Variants in ATP8B1 observed in about 807,000 individuals in gnomAD.
ATP8B1 encodes ATPase phospholipid transporting 8B1.
ATP8B1 carries 80 observed loss-of-function variants against 149.9 expected under a neutral mutation model. The observed-to-expected ratio is 0.53, with a 90% CI of 0.45 to 0.64. The LOEUF (loss-of-function observed/expected upper bound fraction) is 0.64, where lower values mean the gene tolerates loss of function less well. ATP8B1 is among the 30% of genes least tolerant of loss of function. The probability of loss-of-function intolerance (pLI) is 0.00; values close to 1 mark genes in which losing one functional copy is unlikely to be tolerated. For synonymous variants in ATP8B1, 536 were observed against 562.8 expected (o/e 0.95, Z 0.67); for missense variants, 1,247 against 1,552.6 (o/e 0.80, Z 3.31).
chr18:57,680,887 G>C (rs1296947753), intron 15 of ATP8B1, among the ~76,000 whole-genome samples: 1 of 152,108 alleles, frequency 6.6e-6, no homozygotes, highest in East Asian at 1.9e-4. Flanking sequence ...TGAAGTGAAG[G>C]CTTCCAAGCC....
intron 4 of ATP8B1, among the ~76,000 whole-genome samples, chr18:57,702,994 C>T (rs186760685): frequency 1.3e-5 from 2 of 152,194 alleles, no homozygotes. Flanking sequence ...TGGTCTACTT[C>T]CTACAGAGCA....
Position 57,647,908 on chromosome 18 carries a change from GTC to G in ATP8B1, c.*578_*579del. 1.2e-5 allele frequency: 2 copies of G among 168,068 alleles called. No homozygotes were observed. Among genetic ancestry groups the G allele is most frequent in the South Asian group, 1.5e-4 (1 of 6,804 alleles). 10.4% of individuals were successfully genotyped at this position (168,068 alleles called of 1,614,324 possible). On this transcript the variant is annotated 3_prime_UTR_variant, in exon 28 of 28. Coordinates refer to ENST00000648908, the MANE Select transcript of ATP8B1 (RefSeq NM_001374385.1). ...GGGTTTCACCATGTTGGCCGGGCTG[GTC>G]TCCTGACCTCAAGTGATCCACCTGC...
At chr18:57,773,582 A>G (rs116995404) in intron 1 of ATP8B1, among the ~76,000 whole-genome samples, 1 of 152,290 alleles carries the variant, frequency 6.6e-6, no homozygotes, top group Non-Finnish European at 1.5e-5. Context: ...GGTTCCCCCA[A>G]ATGTTTCCAT....
rs140839938 is a variant in ATP8B1, at chr18:57,768,717, G to A, written c.-26+34281C>T. ...GTTCTAAAAATAAAATGCAAGAGACGGTTGCATGCCAAGTTGGTAACAAAT... is the reference window on the plus strand; with the variant it reads ...GTTCTAAAAATAAAATGCAAGAGACAGTTGCATGCCAAGTTGGTAACAAAT... On this transcript the variant is annotated intron_variant, in intron 1 of 27. Coordinates refer to ENST00000648908, the MANE Select transcript of ATP8B1 (RefSeq NM_001374385.1). 4.5e-3 allele frequency among the ~76,000 whole-genome samples: 687 copies of A among 152,154 alleles called. 5 individuals are homozygous for A. Among genetic ancestry groups the A allele is most frequent in the African/African-American group, 0.016 (662 of 41,510 alleles).
intron 2 of ATP8B1, among the ~76,000 whole-genome samples, chr18:57,726,252 A>C (rs28503741): frequency 0.087 from 12,565 of 145,024 alleles, 867 homozygotes; most frequent in African/African-American, 0.19. Context: ...ACAACAACAA[A>C]AAAACCACTT....
intron 1 of ATP8B1, among the ~76,000 whole-genome samples, chr18:57,748,499 G>A (rs1444615915): frequency 6.6e-6 from 1 of 152,308 alleles, no homozygotes; most frequent in East Asian, 1.9e-4. Flanking sequence ...TGTTCTTTAA[G>A]CTGCTCTGTG....
intron 2 of ATP8B1, among the ~76,000 whole-genome samples, chr18:57,725,464 T>A (rs913866410): frequency 6.6e-6 from 1 of 152,104 alleles, no homozygotes; most frequent in Admixed American, 6.6e-5. Flanking sequence ...CCCAAAGCAA[T>A]CTACAGATTC....
At chr18:57,776,346 G>C (rs1014443364) in intron 1 of ATP8B1, among the ~76,000 whole-genome samples, 1 of 152,252 alleles carries the variant, frequency 6.6e-6, no homozygotes, top group East Asian at 1.9e-4. Flanking sequence ...TCGCATTCAT[G>C]TGAGTTCACG....
chr18:57,798,679 T>A (rs530510866), intron 1 of ATP8B1, among the ~76,000 whole-genome samples: 8 of 152,128 alleles, frequency 5.3e-5, no homozygotes, highest in Admixed American at 3.9e-4. Flanking sequence ...ATGTGATGGG[T>A]AAAGGGGGCT....
rs565802429 is a variant in ATP8B1 at position 57,697,895 on chromosome 18, T to C, written c.555-28A>G. ...AAGGATTAAAAATAATGAGGATTTA[T>C]TGACATTTTAAGTTACAGGCAAGGG... On this transcript the variant is annotated intron_variant, in intron 6 of 27. Transcript: ENST00000648908. The C allele has an allele frequency of 7.9e-5, 124 of 1,572,000 alleles. 4 individuals carry two copies. The South Asian group carries it at 1.3e-3, about 17-fold the overall frequency.
chr18:57,709,655 CTT>C (rs1318631747), intron 2 of ATP8B1, among the ~76,000 whole-genome samples: 1 of 151,656 alleles, frequency 6.6e-6, no homozygotes, highest in Admixed American at 6.6e-5. Flanking sequence ...GCCCCATTTT[CTT>C]TTTTTGTCCT....
intron 23 of ATP8B1, 106 bp from the exon 24 acceptor site, chr18:57,654,181 G>T: frequency 9.4e-7 from 1 of 1,063,082 alleles, no homozygotes; most frequent in Non-Finnish European, 1.4e-6. Flanking sequence ...TTGTTTGTTT[G>T]TTTTAATAGA....
chr18:57,762,930 G>T (rs1328243227), intron 1 of ATP8B1, among the ~76,000 whole-genome samples: 1 of 152,170 alleles, frequency 6.6e-6, no homozygotes, highest in Non-Finnish European at 1.5e-5. Context: ...TGTTGATAGA[G>T]ATTACTTCTC....
intron 17 of ATP8B1, 127 bp from the exon 18 acceptor site, chr18:57,669,609 G>T: frequency 1.1e-6 from 1 of 909,690 alleles, no homozygotes; most frequent in Non-Finnish European, 1.7e-6. Flanking sequence ...CATTAAACAT[G>T]ACAGATTCTG....
intron 22 of ATP8B1, 105 bp downstream of exon 22, chr18:57,661,069 A>T: frequency 7.0e-7 from 1 of 1,419,002 alleles, no homozygotes; most frequent in Non-Finnish European, 9.6e-7. Context: ...CTCTATGAAA[A>T]CCTAAGCTGT....
At chr18:57,724,567 G>A (rs1306951997) in intron 2 of ATP8B1, among the ~76,000 whole-genome samples, 1 of 151,966 alleles carries the variant, frequency 6.6e-6, no homozygotes, top group Non-Finnish European at 1.5e-5. Flanking sequence ...TCTCACACCA[G>A]TTAGAATGGC....
intron 1 of ATP8B1, among the ~76,000 whole-genome samples, chr18:57,739,318 T>G (rs1190835581): frequency 6.6e-6 from 1 of 152,188 alleles, no homozygotes; most frequent in African/African-American, 2.4e-5. Flanking sequence ...TCGTTAGGTC[T>G]CAACTTCAGT....
chr18:57,707,299 A>AAAAC (rs996712197), intron 2 of ATP8B1, among the ~76,000 whole-genome samples: 2 of 152,132 alleles, frequency 1.3e-5, no homozygotes, highest in Admixed American at 6.5e-5. Flanking sequence ...CCATCTCAAA[A>AAAAC]AAACAAACAG....
At chr18:57,674,714 A>T in intron 16 of ATP8B1, 120 bp downstream of exon 16, 1 of 1,184,982 alleles carries the variant, frequency 8.4e-7, no homozygotes, top group East Asian at 2.4e-5. Flanking sequence ...AAAGCTGCAG[A>T]AATCTCCCAG....
Sources: allele counts gnomAD v4.1 joint callset (sites outside exome capture counted in the v4.1 genomes callset), GRCh38; gene constraint gnomAD v4.1.1; transcripts MANE v1.5; gene names NCBI Gene and HGNC (gene_info 2026-07-23, HGNC 2026-07-21).